Variants in DNAH3 observed in about 807,000 individuals in gnomAD.
DNAH3 encodes the protein dynein axonemal heavy chain 3, also known as axonemal beta dynein heavy chain 3.
A neutral mutation model predicts 432.5 loss-of-function variants in DNAH3; 332 were observed. That is an observed-to-expected ratio of 0.77 (90% CI 0.70 to 0.84). DNAH3 has a LOEUF of 0.84. DNAH3 is among the 40% of genes least tolerant of loss of function. The probability of loss-of-function intolerance (pLI) is 0.00; values close to 1 mark genes in which losing one functional copy is unlikely to be tolerated. For synonymous variants in DNAH3, 1,956 were observed against 1,900.2 expected, an observed-to-expected ratio of 1.03 and a Z score of -0.76; for missense variants, 4,861 against 5,114.0, an observed-to-expected ratio of 0.95 and a Z score of 1.51.
intron 29 of DNAH3, among the ~76,000 whole-genome samples, chr16:21,051,224 G>A (rs949999442): frequency 3.3e-5 from 5 of 152,178 alleles, no homozygotes; most frequent in African/African-American, 1.2e-4. Flanking sequence ...CTCAAAGGCT[G>A]AGTTCCACAG....
At chr16:21,093,511 T>C (rs1031236995) in intron 18 of DNAH3, among the ~76,000 whole-genome samples, 7 of 152,314 alleles carry the variant, frequency 4.6e-5, no homozygotes, top group Admixed American at 3.3e-4. Context: ...CAAATTTATC[T>C]ATAGATTTAA....
rs115508128 is a variant in DNAH3 at position 20,969,022 on chromosome 16, T to A, written c.8458+770A>T. ...CTGTTTCTCTCCCTTCATGTCTTAC[T>A]CTCTCCTGTATGTCTGCATCTCACT... is the stretch of plus-strand genomic sequence containing the variant. On this transcript the variant is annotated intron_variant, in intron 52 of 61. Transcript: ENST00000261383. Among the ~76,000 whole-genome samples the A allele has an allele frequency of 7.3e-3, 1,109 of 152,186 alleles. 16 individuals are homozygous for A. Among genetic ancestry groups the A allele is most frequent in the African/African-American group, 0.026 (1,071 of 41,518 alleles).
chr16:21,086,296 A>G (rs898115347), intron 19 of DNAH3, among the ~76,000 whole-genome samples: 6 of 152,138 alleles, frequency 3.9e-5, no homozygotes, highest in Admixed American at 2.0e-4. Context: ...AATCCCAGCT[A>G]TTTTTAAGGA....
chr16:20,944,813 C>T, intron 57 of DNAH3, 150 bp from the exon 58 acceptor site: 1 of 769,186 alleles, frequency 1.3e-6, no homozygotes. Flanking sequence ...GCTGGGAGAA[C>T]ACAACCCTAG....
chr16:20,982,645 C>A, intron 49 of DNAH3, 76 bp downstream of exon 49: 1 of 1,293,630 alleles, frequency 7.7e-7, no homozygotes, highest in Admixed American at 2.3e-5. Flanking sequence ...ATCTTCAAAA[C>A]AACAACAAAA....
chr16:21,003,270 G>A lies in DNAH3; in HGVS notation c.6023-63C>T. ...AAGGCTTTACTTGCCTCCCATATTT[G>A]AGGATTTTAAGTCCCTCAGTTATCA... On this transcript the variant is annotated intron_variant, in intron 41 of 61. Coordinates refer to ENST00000261383, the Ensembl canonical transcript of DNAH3. The A allele has an allele frequency of 2.6e-6, 3 of 1,150,632 alleles. 1 individual carries two copies. The highest frequency in any genetic ancestry group is 2.7e-5 in the South Asian group (2 of 75,114). 71.3% of individuals were successfully genotyped at this position (1,150,632 alleles called of 1,614,324 possible).
intron 14 of DNAH3, among the ~76,000 whole-genome samples, chr16:21,111,329 C>T (rs2092065444): frequency 6.6e-6 from 1 of 152,122 alleles, no homozygotes; most frequent in South Asian, 2.1e-4. Flanking sequence ...GACAGACAAG[C>T]CCAGGAAGCA....
intron 12 of DNAH3, among the ~76,000 whole-genome samples, chr16:21,112,465 A>G (rs920130101): frequency 6.6e-6 from 1 of 152,132 alleles, no homozygotes; most frequent in Non-Finnish European, 1.5e-5. Flanking sequence ...GGGAGGCAAA[A>G]GACACGTCTT....
At chr16:20,948,862 C>G (rs989670748) in intron 56 of DNAH3, among the ~76,000 whole-genome samples, 2 of 152,104 alleles carry the variant, frequency 1.3e-5, no homozygotes, top group Non-Finnish European at 2.9e-5. Flanking sequence ...AACTTACATC[C>G]CTGTTTTCCC....
At position 20,965,349 on chromosome 16, in the gene DNAH3, T is replaced by C. The variant is rs138441375; in HGVS notation, c.8535A>G (p.Thr2845=). Residue 2845 remains threonine (T), a synonymous_variant, in exon 53 of 62, where the codon ACA becomes ACG. Transcript: ENST00000261383. ...GTGGGGGGATGTTGTCTTTGTCATA[T>C]GTCTTAAGACTCTCCAAGAATTTCA... 6.3e-6 allele frequency: 10 copies of C among 1,596,860 alleles called. No individual in the cohort carries two copies. The African/African-American group carries it at 8.1e-5, about 13-fold the overall frequency.
intron 27 of DNAH3, among the ~76,000 whole-genome samples, chr16:21,057,089 G>A (rs1162269613): frequency 1.3e-5 from 2 of 152,122 alleles, no homozygotes; most frequent in Non-Finnish European, 2.9e-5. Flanking sequence ...TCAAACCATG[G>A]AAGAAAGGCT....
chr16:21,040,368 T>C (rs1253691137), intron 32 of DNAH3, among the ~76,000 whole-genome samples: 2 of 139,806 alleles, frequency 1.4e-5, no homozygotes, highest in East Asian at 2.1e-4. Context: ...ATTTTTTTTT[T>C]TTTTTTTTTT....
At chr16:21,021,680 C>A (rs912640605) in intron 40 of DNAH3, among the ~76,000 whole-genome samples, 1 of 152,042 alleles carries the variant, frequency 6.6e-6, no homozygotes, top group African/African-American at 2.4e-5. Context: ...GAGGCAGAGG[C>A]AGGTGGAACA....
intron 16 of DNAH3, among the ~76,000 whole-genome samples, chr16:21,101,605 G>A (rs928678760): frequency 7.9e-5 from 12 of 152,208 alleles, no homozygotes; most frequent in African/African-American, 1.2e-4. Context: ...TTGCAGGGGT[G>A]AGATATGGAT....
intron 1 of DNAH3, among the ~76,000 whole-genome samples, chr16:21,157,079 G>A (rs1007127179): frequency 2.0e-5 from 3 of 151,614 alleles, no homozygotes; most frequent in African/African-American, 7.3e-5. Flanking sequence ...AGTGCATGAC[G>A]CCAGACAAGA....
intron 21 of DNAH3, among the ~76,000 whole-genome samples, chr16:21,074,757 G>A (rs1373354754): frequency 6.6e-6 from 1 of 151,722 alleles, no homozygotes; most frequent in Non-Finnish European, 1.5e-5. Flanking sequence ...CAGGATGTGT[G>A]TATCAACCTG....
intron 53 of DNAH3, among the ~76,000 whole-genome samples, chr16:20,961,887 C>T (rs933943663): frequency 3.0e-4 from 46 of 151,120 alleles, no homozygotes; most frequent in African/African-American, 1.0e-3. Flanking sequence ...CTCAGCCTCC[C>T]GAGTAGCTCA....
At chr16:21,110,599 A>G (rs1257998529) in intron 14 of DNAH3, among the ~76,000 whole-genome samples, 6 of 152,204 alleles carry the variant, frequency 3.9e-5, no homozygotes, top group Admixed American at 3.9e-4. Context: ...GTGAGCCACA[A>G]ATTCCCTTTT....
chr16:21,008,581 TC>T, intron 41 of DNAH3, among the ~76,000 whole-genome samples: 1 of 152,280 alleles, frequency 6.6e-6, no homozygotes, highest in East Asian at 1.9e-4. Context: ...TGGCGTTTTT[TC>T]CCATCCCTAC....
Sources: gnomAD v4.1 joint callset for allele counts (sites outside exome capture counted in the v4.1 genomes callset) on GRCh38, gnomAD v4.1.1 for gene constraint, MANE v1.5 for transcripts, NCBI Gene and HGNC (gene_info 2026-07-23, HGNC 2026-07-21) for gene names.